Variants in TPCN1 observed in about 807,000 individuals in gnomAD.
TPCN1 encodes the protein two pore segment channel 1, also known as two pore channel protein 1.
TPCN1 carries 52 observed loss-of-function variants against 108.8 expected under a neutral mutation model. The ratio of observed to expected loss-of-function variants is 0.48; its 90% CI spans 0.38 to 0.60. The LOEUF (loss-of-function observed/expected upper bound fraction) is 0.60, where lower values mean the gene tolerates loss of function less well. Among genes scored for constraint, TPCN1 ranks in the 20% least tolerant of loss-of-function variants. The probability of loss-of-function intolerance (pLI) is 0.00; values close to 1 mark genes in which losing one functional copy is unlikely to be tolerated. For missense variants in TPCN1, 806 were observed against 1,072.8 expected (o/e 0.75, Z 3.47); for synonymous variants, 446 against 433.7 (o/e 1.03, Z -0.35).
Position 113,288,412 on chromosome 12 carries a change from T to A in TPCN1, c.1706+178T>A, listed in dbSNP as rs1196545583. The A allele has an allele frequency of 3.4e-6, 5 of 1,483,988 alleles. No homozygotes were observed. The highest frequency in any genetic ancestry group is 3.6e-6 in the Non-Finnish European group (4 of 1,119,298). 91.9% of individuals were successfully genotyped at this position (1,483,988 alleles called of 1,614,324 possible). A position where few individuals can be genotyped will look rare whatever the true frequency, so the allele number is the denominator to read the frequency against. On this transcript the variant is annotated intron_variant, in intron 20 of 27. Transcript: ENST00000335509. The surrounding 1 kb of genome is among the most constrained non-coding windows in gnomAD (Gnocchi z 4.8). ...CACCACAGGTCTCCTGGGCACCATTTTTCTCCACTGACCTGTCTGACATAT... is the reference window on the plus strand; with the variant it reads ...CACCACAGGTCTCCTGGGCACCATTATTCTCCACTGACCTGTCTGACATAT...
intron 2 of TPCN1, among the ~76,000 whole-genome samples, chr12:113,230,074 G>A (rs1403102361): frequency 3.9e-5 from 6 of 152,016 alleles, no homozygotes; most frequent in East Asian, 1.9e-4. Flanking sequence ...TTGTTTGCTC[G>A]TGGCCTCCAG....
At chr12:113,285,847 G>C in intron 17 of TPCN1, 42 bp from the exon 18 acceptor site, 1 of 1,551,156 alleles carries the variant, frequency 6.4e-7, no homozygotes, top group Non-Finnish European at 8.9e-7. Flanking sequence ...CATGGGGGAG[G>C]ATGTGGCGGG....
intron 14 of TPCN1, among the ~76,000 whole-genome samples, chr12:113,279,431 G>A (rs868018577): frequency 1.8e-5 from 2 of 112,882 alleles, no homozygotes; most frequent in Non-Finnish European, 3.3e-5. Context: ...GCGGCGTCTC[G>A]CTCTGTTGCC....
rs1166267204 is a variant in TPCN1 at position 113,232,013 on chromosome 12, G to A, written c.112+5049G>A. On this transcript the variant is annotated intron_variant, in intron 2 of 27. Coordinates refer to ENST00000335509, the MANE Select transcript of TPCN1 (RefSeq NM_017901.6). This position sits in a 1 kb window ranked among gnomAD's most constrained non-coding sequence, Gnocchi z 5.6. Reference sequence around the variant, plus strand: ...GGTAACTCTGGTCACACTCAGCTCTGCCTTCTCCCTGCCTTTAAAGCCAGC... The same window carrying A: ...GGTAACTCTGGTCACACTCAGCTCTACCTTCTCCCTGCCTTTAAAGCCAGC... 1.3e-5 allele frequency among the ~76,000 whole-genome samples: 2 copies of A among 152,200 alleles called. No individual in the cohort carries two copies. Among genetic ancestry groups the A allele is most frequent in the Non-Finnish European group, 2.9e-5 (2 of 68,034 alleles).
chr12:113,293,298 A>G lies in TPCN1; in HGVS notation c.2283A>G (p.Arg761=). 6.2e-7 allele frequency: 1 copy of G among 1,614,060 alleles called. No homozygotes were observed. Among genetic ancestry groups the G allele is most frequent in the South Asian group, 1.1e-5 (1 of 91,084 alleles). Residue 761 remains arginine (R), a synonymous_variant, in exon 27 of 28, where the codon CGA becomes CGG. Transcript: ENST00000335509. ...ATTCCATGGTGTTTCTGGGACGGCG[A>G]TCAAGGACCAAGAGCGACCTGAGCC... ...QQHSMVFLGR[R]SRTKSDLSLK...
intron 15 of TPCN1, 99 bp downstream of exon 15, chr12:113,280,294 T>C: frequency 1.0e-6 from 1 of 965,542 alleles, no homozygotes; most frequent in South Asian, 1.6e-5. Context: ...AGTCCTGTGT[T>C]TGACTTTTTA....
intron 22 of TPCN1, 126 bp downstream of exon 22, chr12:113,290,369 C>G (rs1472909456): frequency 2.9e-6 from 2 of 691,744 alleles, no homozygotes; most frequent in Admixed American, 2.3e-5. Context: ...CTCCCTGGCC[C>G]AGGTGGAGGA....
chr12:113,290,258 TC>T lies in TPCN1; in HGVS notation c.1912+16del. The T allele has an allele frequency of 6.5e-7, 1 of 1,542,206 alleles. No homozygotes were observed. The highest frequency in any genetic ancestry group is 8.9e-7 in the Non-Finnish European group (1 of 1,127,816). On this transcript the variant is annotated intron_variant, in intron 22 of 27. Coordinates refer to ENST00000335509, the MANE Select transcript of TPCN1 (RefSeq NM_017901.6). ...CAACAGCTTTGGTGAGTGGGAAAAA[TC>T]ACAGGGGGCACATTCCCTGGGGACC...
intron 27 of TPCN1, 49 bp from the exon 28 acceptor site, chr12:113,295,911 G>GC: frequency 6.7e-7 from 1 of 1,485,956 alleles, no homozygotes; most frequent in Non-Finnish European, 9.1e-7. Context: ...GGTGGGCGGG[G>GC]CAGGGGGTGG....
chr12:113,242,442 C>T (rs1422896471), intron 2 of TPCN1, among the ~76,000 whole-genome samples: 1 of 152,186 alleles, frequency 6.6e-6, no homozygotes, highest in Non-Finnish European at 1.5e-5. Context: ...TGACCTTGGG[C>T]AAGTCACTCA....
chr12:113,260,609 C>T (rs933046462), intron 3 of TPCN1, 117 bp downstream of exon 3: 2 of 1,299,104 alleles, frequency 1.5e-6, no homozygotes, highest in African/African-American at 3.1e-5. Context: ...GCTGCTGCTG[C>T]TCGTGTGTGA....
rs201943210 is a variant in TPCN1, at chr12:113,288,711, G to A, written c.1707-47G>A. The A allele has an allele frequency of 1.2e-3, 1,951 of 1,604,316 alleles. 1 individual carries two copies. Among genetic ancestry groups the A allele is most frequent in the Non-Finnish European group, 1.6e-3 (1,833 of 1,178,228 alleles). On this transcript the variant is annotated intron_variant, in intron 20 of 27. Coordinates refer to ENST00000335509, the MANE Select transcript of TPCN1 (RefSeq NM_017901.6). This position sits in a 1 kb window ranked among gnomAD's most constrained non-coding sequence, Gnocchi z 4.8. ...AGGAGGCCGGGGCTGCAGAGGAGCC[G>A]TTCCCTCCTGCCGGCCCCGCGTCAC...
rs1171620753 is a variant in TPCN1, at chr12:113,273,066, G to A, written c.784-166G>A. Among the ~76,000 whole-genome samples the A allele has an allele frequency of 6.6e-6, 1 of 152,210 alleles. No individual in the cohort carries two copies. The highest frequency in any genetic ancestry group is 6.5e-5 in the Admixed American group (1 of 15,288). On this transcript the variant is annotated intron_variant, in intron 8 of 27. Transcript: ENST00000335509. The surrounding 1 kb of genome is among the most constrained non-coding windows in gnomAD (Gnocchi z 4.0). The stretch of plus-strand genomic sequence containing the variant: ...GAAGCATCAGGTGCAGGAAAGGGGA[G>A]GCCTCTGGACTGCATGTTTGCTCTT...
Position 113,236,076 on chromosome 12 carries a change from C to T in TPCN1, c.112+9112C>T, listed in dbSNP as rs538001153. Among the ~76,000 whole-genome samples, 11 of 152,138 alleles carry T rather than the reference C, an allele frequency of 7.2e-5. No homozygotes were observed. The East Asian group carries it at 1.7e-3, about 24-fold the overall frequency. The stretch of plus-strand genomic sequence containing the variant: ...GAGCTGGACCTTCATCCTGGGGTGG[C>T]GGAAAAGCCCCGGGCACTTTAAGCA... On this transcript the variant is annotated intron_variant, in intron 2 of 27. Transcript: ENST00000335509.
intron 2 of TPCN1, among the ~76,000 whole-genome samples, chr12:113,243,119 C>T (rs1954214927): frequency 6.6e-6 from 1 of 152,220 alleles, no homozygotes; most frequent in South Asian, 2.1e-4. Flanking sequence ...CCTGTAATCC[C>T]AGCATTTTGG....
chr12:113,247,456 C>G (rs555325272), intron 2 of TPCN1, among the ~76,000 whole-genome samples: 3 of 152,366 alleles, frequency 2.0e-5, no homozygotes, highest in African/African-American at 7.2e-5. Flanking sequence ...TTCGAGCATA[C>G]CTTCTGCGGG....
intron 15 of TPCN1, among the ~76,000 whole-genome samples, chr12:113,283,404 G>A (rs1015414307): frequency 1.3e-5 from 2 of 152,104 alleles, no homozygotes; most frequent in African/African-American, 4.8e-5. Flanking sequence ...GAAGGCAGAG[G>A]CAGGTGGATT....
chr12:113,245,935 A>G (rs1954363574), intron 2 of TPCN1: 2 of 455,942 alleles, frequency 4.4e-6, no homozygotes. Flanking sequence ...GCTGTGCTCC[A>G]GCAAACAGAA....
chr12:113,233,697 G>A (rs1476620918), intron 2 of TPCN1, among the ~76,000 whole-genome samples: 2 of 152,220 alleles, frequency 1.3e-5, no homozygotes, highest in South Asian at 2.1e-4. Context: ...GCCTGTGGGT[G>A]TTGAGCCCTC....
Sources: allele counts gnomAD v4.1 joint callset (sites outside exome capture counted in the v4.1 genomes callset), GRCh38; gene constraint gnomAD v4.1.1; non-coding constraint Gnocchi (gnomAD v3.1); transcripts MANE v1.5; gene names NCBI Gene and HGNC (gene_info 2026-07-23, HGNC 2026-07-21).